Variants in SPATA6 observed in about 807,000 individuals in gnomAD.
SPATA6 encodes the protein spermatogenesis associated 6, also known as spermatogenesis-associated protein 6.
Under a neutral mutation model 65.3 loss-of-function variants are expected in SPATA6, and 56 were observed. That is an observed-to-expected ratio of 0.86 (90% confidence interval 0.69 to 1.07). SPATA6 has a LOEUF of 1.07. SPATA6 is among the 50% of genes least tolerant of loss of function. The pLI, the probability that SPATA6 is intolerant of heterozygous loss-of-function variation, is 0.00. For missense variants in SPATA6, 590 were observed against 594.8 expected (o/e 0.99, Z 0.08); for synonymous variants, 199 against 213.2 (o/e 0.93, Z 0.58).
chr1:48,359,699 C>A lies in SPATA6; in HGVS notation c.981G>T (p.Arg327Ser), dbSNP rs750290024. 4 of 1,613,580 alleles carry A rather than the reference C, an allele frequency of 2.5e-6. No individual in the cohort carries two copies. The African/African-American group carries it at 4.0e-5, about 16-fold the overall frequency. ...LEKCEEYLSP[R>S]SCSKPRHSAR... ...CTGAATGCCGGGGCTTACTACACGA[C>A]CTTGGGCTCAAATACTCTTCACATT... The change falls in exon 10 of 13, where the codon AGG (arginine) becomes AGT (serine). Residue 327 changes from arginine to serine, a missense_variant. By Grantham distance (110) the Arg-to-Ser change is moderately radical (BLOSUM62 -1). Coordinates refer to ENST00000371847, the MANE Select transcript of SPATA6 (RefSeq NM_019073.4).
chr1:48,411,667 T>A, intron 4 of SPATA6, 79 bp from the exon 5 acceptor site: 1 of 1,212,434 alleles, frequency 8.2e-7, no homozygotes, highest in Non-Finnish European at 1.1e-6. Context: ...ATGATATATC[T>A]ACTGCCTGAT....
At chr1:48,395,416 T>C in intron 7 of SPATA6, 62 bp from the exon 8 acceptor site, 1 of 1,235,106 alleles carries the variant, frequency 8.1e-7, no homozygotes, top group Non-Finnish European at 1.1e-6. Context: ...TTCAATCTCA[T>C]GGTACCAGAA....
chr1:48,399,303 G>T, intron 7 of SPATA6, 48 bp downstream of exon 7: 1 of 1,553,168 alleles, frequency 6.4e-7, no homozygotes, highest in South Asian at 1.2e-5. Flanking sequence ...GTTTTTTTGG[G>T]AAAAAAGCTG....
At chr1:48,270,715 A>G in the SPATA6 span, among the ~76,000 whole-genome samples, 1 of 151,894 alleles carries the variant, frequency 6.6e-6, no homozygotes, top group Non-Finnish European at 1.5e-5. Context: ...TACTAAGGTC[A>G]GAAGAAGAGG....
chr1:48,309,937 C>A (rs1445613153), intron 11 of SPATA6, among the ~76,000 whole-genome samples: 1 of 152,152 alleles, frequency 6.6e-6, no homozygotes, highest in African/African-American at 2.4e-5. Flanking sequence ...TATGCAGAGC[C>A]TTAAGGTAGG....
At chr1:48,265,148 T>G in the SPATA6 span, among the ~76,000 whole-genome samples, 1 of 152,220 alleles carries the variant, frequency 6.6e-6, no homozygotes, top group African/African-American at 2.4e-5. Flanking sequence ...AGTACCCACC[T>G]AAACATTTCC....
At chr1:48,277,682 C>T in the SPATA6 span, among the ~76,000 whole-genome samples, 2 of 152,224 alleles carry the variant, frequency 1.3e-5, no homozygotes, top group African/African-American at 4.8e-5. Flanking sequence ...CTGGGAAGCT[C>T]GAACTGGGTG....
chr1:48,374,469 A>T (rs958082529), intron 9 of SPATA6, among the ~76,000 whole-genome samples: 4 of 152,344 alleles, frequency 2.6e-5, no homozygotes, highest in Admixed American at 2.6e-4. Context: ...AACTATCAGA[A>T]CAAAGAACTA....
At chr1:48,313,743 G>C (rs1347369605) in intron 11 of SPATA6, among the ~76,000 whole-genome samples, 1 of 152,060 alleles carries the variant, frequency 6.6e-6, no homozygotes, top group Non-Finnish European at 1.5e-5. Flanking sequence ...AAAAGACACA[G>C]ACTGGCAAAC....
At chr1:48,447,504 G>T (rs1656171830) in intron 3 of SPATA6, among the ~76,000 whole-genome samples, 1 of 152,118 alleles carries the variant, frequency 6.6e-6, no homozygotes, top group African/African-American at 2.4e-5. Flanking sequence ...TGGTGACAGG[G>T]TGAGACTCCA....
chr1:48,262,813 G>A, the SPATA6 span: 1 of 152,062 alleles, frequency 6.6e-6, no homozygotes, highest in African/African-American at 2.4e-5. Context: ...ACGTAACACT[G>A]CTTTTTAAAA....
intron 5 of SPATA6, among the ~76,000 whole-genome samples, 188 bp from the exon 6 acceptor site, chr1:48,404,070 C>A (rs376244783): frequency 6.6e-6 from 1 of 152,086 alleles, no homozygotes; most frequent in South Asian, 2.1e-4. Flanking sequence ...AATGTCTCTG[C>A]TGATGATTCC....
intron 9 of SPATA6, among the ~76,000 whole-genome samples, chr1:48,380,805 T>A (rs1413352581): frequency 6.9e-6 from 1 of 144,870 alleles, no homozygotes; most frequent in Admixed American, 6.7e-5. Flanking sequence ...CTGGACTAAG[T>A]TAATTATTCC....
At chr1:48,413,594 G>T (rs762024760) in intron 3 of SPATA6, among the ~76,000 whole-genome samples, 3 of 151,370 alleles carry the variant, frequency 2.0e-5, no homozygotes, top group Non-Finnish European at 2.9e-5. Context: ...GAGCCACCGT[G>T]CCCAGCCTAA....
chr1:48,325,360 T>C (rs1377635880), intron 11 of SPATA6: 3 of 1,369,100 alleles, frequency 2.2e-6, no homozygotes, highest in Non-Finnish European at 3.1e-6. Flanking sequence ...AAGGCAAAGT[T>C]CTGCATGCGC....
At chr1:48,330,131 T>C (rs1294654761) in intron 11 of SPATA6, among the ~76,000 whole-genome samples, 1 of 152,206 alleles carries the variant, frequency 6.6e-6, no homozygotes, top group Non-Finnish European at 1.5e-5. Context: ...GCAGCCGTAC[T>C]TTGGTTCAAA....
chr1:48,397,143 TG>T (rs1650672686), intron 7 of SPATA6, among the ~76,000 whole-genome samples: 1 of 151,546 alleles, frequency 6.6e-6, no homozygotes, highest in African/African-American at 2.4e-5. Context: ...TTATATGAAA[TG>T]GTAGAATAGG....
chr1:48,372,809 T>C (rs1207741706), intron 9 of SPATA6, among the ~76,000 whole-genome samples: 1 of 152,244 alleles, frequency 6.6e-6, no homozygotes, highest in Non-Finnish European at 1.5e-5. Context: ...ACATGGACGC[T>C]GCCAAGGCTT....
downstream of SPATA6, among the ~76,000 whole-genome samples, chr1:48,293,973 T>C (rs1018168094): frequency 9.2e-5 from 14 of 152,360 alleles, no homozygotes; most frequent in Admixed American, 2.0e-4. Flanking sequence ...AAACTCAAAG[T>C]ATATCATTCA....
Sources: gnomAD v4.1 joint callset for allele counts (sites outside exome capture counted in the v4.1 genomes callset) on GRCh38, gnomAD v4.1.1 for gene constraint, MANE v1.5 for transcripts, NCBI Gene and HGNC (gene_info 2026-07-23, HGNC 2026-07-21) for gene names.